ITPR2: variants seen among roughly 807,000 people sequenced by gnomAD.
The protein encoded by ITPR2 is inositol 1,4,5-trisphosphate-gated calcium channel ITPR2.
ITPR2 carries 207 observed loss-of-function variants against 317.1 expected under a neutral mutation model. That is an observed-to-expected ratio of 0.65 (90% confidence interval 0.58 to 0.73). ITPR2 has a LOEUF of 0.73. Ranked by LOEUF, ITPR2 falls within the 30% of genes least tolerant of loss-of-function variation. The pLI, the probability that ITPR2 is intolerant of heterozygous loss-of-function variation, is 0.00. For missense variants in ITPR2, 2,613 were observed against 3,284.0 expected, an observed-to-expected ratio of 0.80 and a Z score of 4.99; for synonymous variants, 1,156 against 1,149.1, an observed-to-expected ratio of 1.01 and a Z score of -0.12.
In ITPR2 at chr12:26,567,733, A is replaced by G. The variant is rs58690598; in HGVS notation, c.4631-5781T>C. Among the ~76,000 whole-genome samples, 129 of 151,690 alleles carry G rather than the reference A, an allele frequency of 8.5e-4. 2 individuals are homozygous for G. Among genetic ancestry groups the G allele is most frequent in the African/African-American group, 2.7e-3 (111 of 41,362 alleles). On this transcript the variant is annotated intron_variant, in intron 34 of 56. Transcript: ENST00000381340. ...CAAATAGTATAAATACTAATCCAAAACCAAAATTAACAATGCCAATTTAGC... is the reference window on the plus strand; with the variant it reads ...CAAATAGTATAAATACTAATCCAAAGCCAAAATTAACAATGCCAATTTAGC...
At chr12:26,725,227 A>C (rs1229909068) in intron 3 of ITPR2, among the ~76,000 whole-genome samples, 1 of 152,210 alleles carries the variant, frequency 6.6e-6, no homozygotes, top group Non-Finnish European at 1.5e-5. Flanking sequence ...AAGTACCAGG[A>C]ATTTTAATGA....
At chr12:26,486,658 C>T (rs758650475) in intron 40 of ITPR2, among the ~76,000 whole-genome samples, 3 of 152,082 alleles carry the variant, frequency 2.0e-5, no homozygotes, top group Non-Finnish European at 4.4e-5. Context: ...ATGTGACAAA[C>T]TTCAAAATGT....
intron 45 of ITPR2, among the ~76,000 whole-genome samples, chr12:26,449,402 T>C (rs1452348134): frequency 6.6e-6 from 1 of 152,174 alleles, no homozygotes; most frequent in African/African-American, 2.4e-5. Context: ...AAACATCTAC[T>C]TTTTTCTCTG....
At chr12:26,805,494 G>C (rs189343501) in intron 1 of ITPR2, among the ~76,000 whole-genome samples, 9 of 152,170 alleles carry the variant, frequency 5.9e-5, no homozygotes, top group Non-Finnish European at 1.2e-4. Flanking sequence ...CAGTAAGATA[G>C]TCACTTCAGA....
intron 48 of ITPR2, among the ~76,000 whole-genome samples, chr12:26,435,040 A>C (rs1296904406): frequency 6.6e-6 from 1 of 151,268 alleles, no homozygotes; most frequent in Non-Finnish European, 1.5e-5. Context: ...CATCCACTCC[A>C]TTGCTTAATA....
At chr12:26,390,407 G>A (rs1273830257) in intron 54 of ITPR2, among the ~76,000 whole-genome samples, 1 of 152,128 alleles carries the variant, frequency 6.6e-6, no homozygotes, top group Non-Finnish European at 1.5e-5. Context: ...CATATGACAG[G>A]ATAATTTTTT....
intron 34 of ITPR2, among the ~76,000 whole-genome samples, chr12:26,578,511 A>G (rs1945325592): frequency 6.6e-6 from 1 of 152,176 alleles, no homozygotes; most frequent in African/African-American, 2.4e-5. Context: ...TAAATTTAAG[A>G]TTTTTAATAT....
At chr12:26,824,939 A>C (rs547964533) in intron 1 of ITPR2, among the ~76,000 whole-genome samples, 1 of 152,344 alleles carries the variant, frequency 6.6e-6, no homozygotes, top group South Asian at 2.1e-4. Flanking sequence ...TATTCATTAA[A>C]TAAGTGAATG....
At chr12:26,482,726 T>C (rs1286271495) in intron 42 of ITPR2, among the ~76,000 whole-genome samples, 5 of 152,222 alleles carry the variant, frequency 3.3e-5, no homozygotes, top group Admixed American at 6.5e-5. Context: ...CCTGTTTTCA[T>C]TGTACACACC....
At chr12:26,665,406 A>G (rs929090067) in intron 14 of ITPR2, among the ~76,000 whole-genome samples, 3 of 152,212 alleles carry the variant, frequency 2.0e-5, no homozygotes, top group Admixed American at 6.5e-5. Context: ...GCCTCCTGAT[A>G]TTCATAGCCT....
intron 13 of ITPR2, among the ~76,000 whole-genome samples, chr12:26,667,994 T>C (rs1239010243): frequency 6.6e-6 from 1 of 152,212 alleles, no homozygotes; most frequent in Non-Finnish European, 1.5e-5. Context: ...ACCTTCTCTT[T>C]TGACCTCTGA....
intron 15 of ITPR2, among the ~76,000 whole-genome samples, chr12:26,662,197 T>A (rs1009100830): frequency 6.6e-6 from 1 of 152,188 alleles, no homozygotes; most frequent in Non-Finnish European, 1.5e-5. Flanking sequence ...CAAGCAAATC[T>A]TTTTTTCTTC....
intron 32 of ITPR2, among the ~76,000 whole-genome samples, chr12:26,590,435 G>C (rs973948955): frequency 6.6e-6 from 1 of 152,008 alleles, no homozygotes; most frequent in African/African-American, 2.4e-5. Flanking sequence ...TAGACCAATG[G>C]AACAGAAAAG....
intron 45 of ITPR2, among the ~76,000 whole-genome samples, chr12:26,452,341 T>C (rs891523566): frequency 2.0e-5 from 3 of 151,316 alleles, no homozygotes; most frequent in Admixed American, 6.6e-5. Context: ...TGTTAACATG[T>C]AGATACTCTT....
intron 37 of ITPR2, among the ~76,000 whole-genome samples, chr12:26,528,323 T>G (rs1315738485): frequency 6.6e-6 from 1 of 152,184 alleles, no homozygotes; most frequent in Non-Finnish European, 1.5e-5. Flanking sequence ...ACAAAGGATG[T>G]TGGATTTTTG....
At chr12:26,636,254 C>T (rs894835900) in intron 21 of ITPR2, among the ~76,000 whole-genome samples, 2 of 152,206 alleles carry the variant, frequency 1.3e-5, no homozygotes, top group Admixed American at 6.5e-5. Flanking sequence ...CTCTGAAGAA[C>T]TTCCATCACT....
intron 2 of ITPR2, among the ~76,000 whole-genome samples, chr12:26,782,505 CT>C (rs1351653151): frequency 1.3e-5 from 2 of 152,176 alleles, no homozygotes; most frequent in South Asian, 2.1e-4. Flanking sequence ...ATCAATGTGG[CT>C]TTATACGACT....
At position 26,337,594 on chromosome 12, in the gene ITPR2, A is replaced by G. The variant is rs1344258110; in HGVS notation, c.*1803T>C. On this transcript the variant is annotated 3_prime_UTR_variant, in exon 57 of 57. Coordinates refer to ENST00000381340, the MANE Select transcript of ITPR2 (RefSeq NM_002223.4). ...AAAGTTTTATAAAGAATTAAGAGTA[A>G]CTGAATGACAGCTGAATTTCTCATG... 3 of 152,232 alleles carry G rather than the reference A, an allele frequency of 2.0e-5. No homozygotes were observed. Among genetic ancestry groups the G allele is most frequent in the African/African-American group, 7.2e-5 (3 of 41,460 alleles). 9.4% of individuals were successfully genotyped at this position (152,232 alleles called of 1,614,324 possible).
chr12:26,711,855 G>A (rs73290496), intron 8 of ITPR2, among the ~76,000 whole-genome samples: 10,154 of 152,268 alleles, frequency 0.067, 496 homozygotes, highest in African/African-American at 0.14. Context: ...AGACAGCCAC[G>A]TAGATTGGAA....
Sources: gnomAD v4.1 joint callset for allele counts (sites outside exome capture counted in the v4.1 genomes callset) on GRCh38, gnomAD v4.1.1 for gene constraint, MANE v1.5 for transcripts, NCBI Gene and HGNC (gene_info 2026-07-23, HGNC 2026-07-21) for gene names.